XYLT1: variants seen among roughly 807,000 people sequenced by gnomAD.
XYLT1 encodes xylosyltransferase 1, also known as beta-D-xylosyltransferase 1.
Under a neutral mutation model 91.3 loss-of-function variants are expected in XYLT1, and 36 were observed. That is an observed-to-expected ratio of 0.39 (90% CI 0.30 to 0.52). The LOEUF (loss-of-function observed/expected upper bound fraction) is 0.52, where lower values mean the gene tolerates loss of function less well. Ranked by LOEUF, XYLT1 falls within the 20% of genes least tolerant of loss-of-function variation. The pLI is 0.68. For missense variants in XYLT1, 1,242 were observed against 1,284.5 expected, an observed-to-expected ratio of 0.97 and a Z score of 0.51; for synonymous variants, 588 against 532.0, an observed-to-expected ratio of 1.11 and a Z score of -1.45.
intron 1 of XYLT1, among the ~76,000 whole-genome samples, chr16:17,460,718 T>C (rs1366177298): frequency 2.0e-5 from 3 of 152,198 alleles, no homozygotes; most frequent in African/African-American, 7.2e-5. Flanking sequence ...CCGTGGACCC[T>C]GTATTGCCGG....
intron 1 of XYLT1, among the ~76,000 whole-genome samples, chr16:17,362,382 C>A (rs780618971): frequency 6.6e-6 from 1 of 152,136 alleles, no homozygotes; most frequent in Non-Finnish European, 1.5e-5. Flanking sequence ...TCAATCCACA[C>A]GTGTTTACTA....
intron 1 of XYLT1, among the ~76,000 whole-genome samples, chr16:17,383,051 C>T (rs560039642): frequency 4.9e-4 from 74 of 151,942 alleles, no homozygotes; most frequent in Middle Eastern, 3.4e-3. Context: ...GTACTCACTT[C>T]CAACAAGCTG....
In XYLT1 at chr16:17,108,841, C is replaced by T. The variant is rs375891355; in HGVS notation, c.2734G>A (p.Gly912Arg). The T allele has an allele frequency of 2.0e-5, 33 of 1,612,790 alleles. No homozygotes were observed. The highest frequency in any genetic ancestry group is 3.3e-5 in the South Asian group (3 of 91,042). Residue 912 changes from glycine to arginine, a missense_variant, in exon 12 of 12, where the codon GGG becomes AGG. Coordinates refer to ENST00000261381, the MANE Select transcript of XYLT1 (RefSeq NM_022166.4). ...LEGWLDSLVG[G>R]MWTAMDICAT... ...CAGATGTCCATGGCAGTCCACATCC[C>T]GCCCACCAACGAGTCCAGCCATCCC...
intron 2 of XYLT1, among the ~76,000 whole-genome samples, chr16:17,265,848 C>T (rs1032989139): frequency 3.9e-5 from 6 of 152,062 alleles, no homozygotes; most frequent in East Asian, 1.9e-4. Context: ...GGTGGGTTGC[C>T]GTGATTTTTA....
chr16:17,190,024 C>A (rs994890219), intron 5 of XYLT1, among the ~76,000 whole-genome samples: 2 of 152,052 alleles, frequency 1.3e-5, no homozygotes, highest in African/African-American at 2.4e-5. Flanking sequence ...CCAGCCTGGG[C>A]AACAAGAGGG....
chr16:17,134,658 A>G lies in XYLT1; in HGVS notation c.1842T>C (p.Tyr614=). 1 of 1,614,246 alleles carries G rather than the reference A, an allele frequency of 6.2e-7. No individual in the cohort carries two copies. Among genetic ancestry groups the G allele is most frequent in the Non-Finnish European group, 8.5e-7 (1 of 1,180,046 alleles). ...CTGCAGGGTAGTTCCCGTACAGGTAATAGTCCAGCTGCCCAATGATTTCCT... is the reference window on the plus strand; with the variant it reads ...CTGCAGGGTAGTTCCCGTACAGGTAGTAGTCCAGCTGCCCAATGATTTCCT... ...VNQEIIGQLD[Y]YLYGNYPAGT... The change falls in exon 9 of 12, where the codon TAT becomes TAC. Residue 614 remains tyrosine (Y), a synonymous_variant. Coordinates refer to ENST00000261381, the MANE Select transcript of XYLT1 (RefSeq NM_022166.4).
At chr16:17,188,001 C>T (rs1159306241) in intron 5 of XYLT1, among the ~76,000 whole-genome samples, 2 of 152,142 alleles carry the variant, frequency 1.3e-5, no homozygotes, top group African/African-American at 2.4e-5. Flanking sequence ...GTCTCCTGAA[C>T]GAGGCTGTTT....
chr16:17,286,172 C>T (rs2034138364), intron 2 of XYLT1, among the ~76,000 whole-genome samples: 1 of 152,138 alleles, frequency 6.6e-6, no homozygotes, highest in South Asian at 2.1e-4. Flanking sequence ...AAGGTCCCGG[C>T]ACTAGTAATT....
At chr16:17,441,465 C>T (rs2036531448) in intron 1 of XYLT1, among the ~76,000 whole-genome samples, 1 of 152,152 alleles carries the variant, frequency 6.6e-6, no homozygotes, top group Non-Finnish European at 1.5e-5. Flanking sequence ...CTTACAGTCA[C>T]AGGCAGTGGA....
At chr16:17,261,314 C>T (rs975417574) in intron 2 of XYLT1, among the ~76,000 whole-genome samples, 10 of 150,580 alleles carry the variant, frequency 6.6e-5, no homozygotes, top group African/African-American at 2.4e-4. Flanking sequence ...GCACGAATTT[C>T]TCCTATTTGT....
chr16:17,198,944 A>C (rs2032482855), intron 4 of XYLT1, among the ~76,000 whole-genome samples: 1 of 152,098 alleles, frequency 6.6e-6, no homozygotes, highest in South Asian at 2.1e-4. Flanking sequence ...GGGCTTCACC[A>C]TGTTGGACAG....
At chr16:17,441,010 CT>C (rs2036525568) in intron 1 of XYLT1, among the ~76,000 whole-genome samples, 1 of 152,076 alleles carries the variant, frequency 6.6e-6, no homozygotes, top group African/African-American at 2.4e-5. Flanking sequence ...TAGTTAAGGA[CT>C]CAGAGTAGTG....
intron 9 of XYLT1, among the ~76,000 whole-genome samples, chr16:17,132,775 T>C (rs1041976254): frequency 6.6e-6 from 1 of 152,102 alleles, no homozygotes; most frequent in African/African-American, 2.4e-5. Flanking sequence ...TGCTGGTACA[T>C]GCCTATAGTC....
intron 1 of XYLT1, among the ~76,000 whole-genome samples, chr16:17,426,681 TAA>T (rs1401778723): frequency 6.6e-6 from 1 of 152,218 alleles, no homozygotes; most frequent in Non-Finnish European, 1.5e-5. Context: ...ACACGCCCAC[TAA>T]GTTATTGCCT....
At chr16:17,209,805 C>A (rs1224158676) in intron 3 of XYLT1, among the ~76,000 whole-genome samples, 2 of 152,228 alleles carry the variant, frequency 1.3e-5, no homozygotes, top group African/African-American at 2.4e-5. Context: ...GGACCTCGCC[C>A]ATCACACTTG....
intron 2 of XYLT1, among the ~76,000 whole-genome samples, chr16:17,336,634 A>G (rs1172268735): frequency 6.6e-6 from 1 of 151,872 alleles, no homozygotes; most frequent in African/African-American, 2.4e-5. Flanking sequence ...AGGCCATCAA[A>G]GAGACACACA....
At chr16:17,280,915 A>T (rs566799277) in intron 2 of XYLT1, among the ~76,000 whole-genome samples, 6 of 152,162 alleles carry the variant, frequency 3.9e-5, no homozygotes, top group African/African-American at 1.4e-4. Flanking sequence ...TAGTTCACCA[A>T]TTCTCAGCCT....
intron 11 of XYLT1, among the ~76,000 whole-genome samples, chr16:17,115,818 A>AAAAG (rs1966850994): frequency 1.3e-5 from 2 of 149,350 alleles, no homozygotes; most frequent in Non-Finnish European, 3.0e-5. Context: ...AAAAAAAAAA[A>AAAAG]AAAAAAAGAC....
At chr16:17,329,320 T>C (rs927732408) in intron 2 of XYLT1, among the ~76,000 whole-genome samples, 15 of 152,212 alleles carry the variant, frequency 9.9e-5, no homozygotes, top group African/African-American at 3.4e-4. Context: ...TCTGTAACCG[T>C]GAGACTCAGT....
Sources: allele counts gnomAD v4.1 joint callset (sites outside exome capture counted in the v4.1 genomes callset), GRCh38; gene constraint gnomAD v4.1.1; transcripts MANE v1.5; gene names NCBI Gene and HGNC (gene_info 2026-07-23, HGNC 2026-07-21).